The following H2BC18 variants were observed in gnomAD, a reference collection of about 807,000 sequenced individuals.
H2BC18 encodes histone H2B type 2-F.
In H2BC18, 8 loss-of-function variants were observed where a neutral mutation model predicts 6.3. The observed-to-expected ratio is 1.28, with a 90% confidence interval of 0.75 to 2.31. The LOEUF (loss-of-function observed/expected upper bound fraction) is 2.31, where lower values mean the gene tolerates loss of function less well. H2BC18 is among the 30% of genes most tolerant of loss of function. The pLI, the probability that H2BC18 is intolerant of heterozygous loss-of-function variation, is 0.00. For missense variants in H2BC18, 106 were observed against 174.5 expected (o/e 0.61, Z 2.21); for synonymous variants, 104 against 78.1 (o/e 1.33, Z -1.75).
Position 149,812,204 on chromosome 1 carries a change from A to G in H2BC18, c.120T>C (p.Val40=), listed in dbSNP as rs1230678540. Reference sequence around the variant, plus strand: ...CCTGCTTCAGCACCTTGTACACGTAAACGGAGTAGCTCTCCTTGCGGCTGC... The same window carrying G: ...CCTGCTTCAGCACCTTGTACACGTAGACGGAGTAGCTCTCCTTGCGGCTGC... ...RKRSRKESYS[V]YVYKVLKQVH... Residue 40 remains valine (V), a synonymous_variant, in exon 1 of 1, where the codon GTT becomes GTC. Transcript: ENST00000369167. 10 of 1,614,110 alleles carry G rather than the reference A, an allele frequency of 6.2e-6. No individual in the cohort carries two copies. Among genetic ancestry groups the G allele is most frequent in the Admixed American group, 1.7e-5 (1 of 60,016 alleles).
At position 149,790,494 on chromosome 1, in the gene H2BC18, C is replaced by T; in HGVS notation, c.378-7234G>A. ...AGGCCTTTCCATCCTTGATTCACAA[C>T]ATCACTCTTCTCCTCGCAAACTGTT... is the stretch of plus-strand genomic sequence containing the variant. On this transcript the variant is annotated intron_variant, in intron 1 of 1. Transcript: ENST00000545683. 4.1e-6 allele frequency: 5 copies of T among 1,231,308 alleles called. No individual in the cohort carries two copies. In the South Asian group the frequency reaches 5.7e-5, roughly 14 times the overall value. 76.3% of individuals were successfully genotyped at this position (1,231,308 alleles called of 1,614,324 possible). A position where few individuals can be genotyped will look rare whatever the true frequency, so the allele number is the denominator to read the frequency against.
At chr1:149,790,439 G>A in intron 1 of H2BC18, 1 of 1,539,318 alleles carries the variant, frequency 6.5e-7, no homozygotes, top group Non-Finnish European at 8.8e-7. Context: ...AGACAGGAGG[G>A]GAAAGTCTCT....
intron 1 of H2BC18, among the ~76,000 whole-genome samples, chr1:149,789,455 G>T (rs2091644857): frequency 6.6e-6 from 1 of 150,694 alleles, no homozygotes; most frequent in Admixed American, 6.6e-5. Context: ...GCAAGTGTGT[G>T]AGTCAGGGTT....
chr1:149,787,851 G>T (rs1352498325), intron 1 of H2BC18: 1 of 185,426 alleles, frequency 5.4e-6, no homozygotes, highest in East Asian at 1.3e-4. Flanking sequence ...AGCTCCTAGA[G>T]GCCCTTGCCT....
chr1:149,789,126 C>T (rs1317964815), intron 1 of H2BC18, among the ~76,000 whole-genome samples: 1 of 151,496 alleles, frequency 6.6e-6, no homozygotes, highest in East Asian at 1.9e-4. Context: ...CTTTCACGGC[C>T]TTTCCTCTTA....
chr1:149,808,589 A>G (rs1451461914), downstream of H2BC18, among the ~76,000 whole-genome samples: 2 of 152,238 alleles, frequency 1.3e-5, no homozygotes, highest in African/African-American at 4.8e-5. Flanking sequence ...AAATATTACA[A>G]CCTGGCTGAG....
rs1240616200 is a variant in H2BC18 at position 149,791,204 on chromosome 1, A to C, written c.378-7944T>G. 34 of 1,605,982 alleles carry C rather than the reference A, an allele frequency of 2.1e-5. 1 individual carries two copies. The highest frequency in any genetic ancestry group is 2.9e-5 in the Non-Finnish European group (34 of 1,177,296). On this transcript the variant is annotated intron_variant, in intron 1 of 1. Transcript: ENST00000545683. ...AGCTAGACCCCTCTGGTCTCTAAAT[A>C]GTATCTCTTCTCTTTGTCTTTTTCT...
Position 149,793,043 on chromosome 1 carries a change from C to T in H2BC18, c.378-9783G>A, listed in dbSNP as rs587615524. 6 of 1,261,646 alleles carry T rather than the reference C, an allele frequency of 4.8e-6. No homozygotes were observed. The South Asian group carries it at 7.7e-5, about 16-fold the overall frequency. 78.2% of individuals were successfully genotyped at this position (1,261,646 alleles called of 1,614,324 possible). On this transcript the variant is annotated intron_variant, in intron 1 of 1. Coordinates refer to the H2BC18 transcript ENST00000545683. ...CGCCCCGGGCCCGCCAGCTCCCGGG[C>T]CCCGGCGCGGCGCCACCTGGCGGCC...
downstream of H2BC18, among the ~76,000 whole-genome samples, chr1:149,807,375 C>T (rs587603127): frequency 6.6e-6 from 1 of 151,872 alleles, no homozygotes; most frequent in Admixed American, 6.5e-5. Flanking sequence ...ACCTGTAGTC[C>T]CAGCTACTCA....
intron 1 of H2BC18, chr1:149,787,397 G>A (rs2091581456): frequency 6.6e-6 from 1 of 152,202 alleles, no homozygotes; most frequent in Non-Finnish European, 1.5e-5. Flanking sequence ...TATGTGTAGA[G>A]GTGTATGTCG....
chr1:149,797,751 C>T (rs1256270204), intron 1 of H2BC18, among the ~76,000 whole-genome samples: 5 of 152,278 alleles, frequency 3.3e-5, no homozygotes, highest in South Asian at 2.1e-4. Context: ...GCGTGCACCA[C>T]GACATCCAGC....
At chr1:149,797,669 C>T (rs1371180084) in intron 1 of H2BC18, among the ~76,000 whole-genome samples, 3 of 152,202 alleles carry the variant, frequency 2.0e-5, no homozygotes, top group Non-Finnish European at 4.4e-5. Flanking sequence ...ATGATCTCAA[C>T]TCACTGTAAC....
Position 149,788,171 on chromosome 1 carries a change from G to A in H2BC18, c.378-4911C>T, listed in dbSNP as rs879971758. The A allele has an allele frequency of 1.0e-4, 91 of 896,684 alleles. No homozygotes were observed. In the African/African-American group the frequency reaches 1.2e-3, roughly 12 times the overall value. The allele number at this position is 896,684 out of a possible 1,614,324, so 55.5% of individuals were successfully genotyped here. The stretch of plus-strand genomic sequence containing the variant: ...GGGAAGATAAGAAAGGGCTGTGTAC[G>A]CAGTTGCCAGTAAAGATTGCTTTTC... On this transcript the variant is annotated intron_variant, in intron 1 of 1. Coordinates refer to the H2BC18 transcript ENST00000545683.
downstream of H2BC18, among the ~76,000 whole-genome samples, chr1:149,807,823 G>A (rs2091935901): frequency 6.9e-6 from 1 of 145,950 alleles, no homozygotes; most frequent in Non-Finnish European, 1.5e-5. Flanking sequence ...AAGAAAGAAA[G>A]AGAGAGAGAG....
chr1:149,807,511 C>CGGGGGGGGG (rs1163656295), downstream of H2BC18, among the ~76,000 whole-genome samples: 1 of 7,916 alleles, frequency 1.3e-4, no homozygotes. Flanking sequence ...AAAGGCATGG[C>CGGGGGGGGG]GGGGGGGGGG....
chr1:149,802,934 G>A (rs2091887473), intron 1 of H2BC18, among the ~76,000 whole-genome samples: 1 of 152,178 alleles, frequency 6.6e-6, no homozygotes, highest in South Asian at 2.1e-4. Context: ...GCAGCCGACT[G>A]GATGGTGCCA....
intron 1 of H2BC18, among the ~76,000 whole-genome samples, chr1:149,806,536 C>T (rs772299505): frequency 1.3e-4 from 20 of 151,648 alleles, no homozygotes; most frequent in Non-Finnish European, 2.2e-4. Flanking sequence ...TGCAGTGAGC[C>T]GAGATTGCAC....
intron 1 of H2BC18, among the ~76,000 whole-genome samples, chr1:149,800,300 CT>C: frequency 6.6e-6 from 1 of 152,310 alleles, no homozygotes; most frequent in East Asian, 1.9e-4. Context: ...AAGCCCTGTC[CT>C]TTTGGGTCTT....
chr1:149,799,885 G>C (rs1553753130), intron 1 of H2BC18, among the ~76,000 whole-genome samples: 1 of 152,184 alleles, frequency 6.6e-6, no homozygotes, highest in African/African-American at 2.4e-5. Flanking sequence ...GCGGAGGGGG[G>C]TTCTCCATAC....
Sources: gnomAD v4.1 joint callset for allele counts (sites outside exome capture counted in the v4.1 genomes callset) on GRCh38, gnomAD v4.1.1 for gene constraint, MANE v1.5 for transcripts, NCBI Gene and HGNC (gene_info 2026-07-23, HGNC 2026-07-21) for gene names.